Variants in RAI1 observed in about 807,000 individuals in gnomAD.
RAI1 encodes the protein retinoic acid-induced protein 1.
Under a neutral mutation model 123.8 loss-of-function variants are expected in RAI1, and 9 were observed. The ratio of observed to expected loss-of-function variants is 0.07; its 90% CI spans 0.04 to 0.13. The LOEUF (loss-of-function observed/expected upper bound fraction) is 0.13. Ranked by LOEUF, RAI1 falls within the 10% of genes least tolerant of loss-of-function variation. The pLI is 1.00. For synonymous variants in RAI1, 1,231 were observed against 1,127.3 expected (o/e 1.09, Z -1.84); for missense variants, 2,256 against 2,545.8 (o/e 0.89, Z 2.45).
At chr17:17,699,658 G>A (rs1043284477) in intron 1 of RAI1, among the ~76,000 whole-genome samples, 5 of 151,622 alleles carry the variant, frequency 3.3e-5, no homozygotes, top group African/African-American at 1.2e-4. Flanking sequence ...TGAATTGCCA[G>A]TGAGTAATCG....
intron 2 of RAI1, among the ~76,000 whole-genome samples, chr17:17,755,610 T>G (rs933795701): frequency 6.6e-6 from 1 of 152,120 alleles, no homozygotes; most frequent in Admixed American, 6.5e-5. Context: ...GAGCATGTCC[T>G]CCTCCATCAG....
chr17:17,763,381 C>T (rs1385001721), intron 2 of RAI1, among the ~76,000 whole-genome samples: 3 of 152,226 alleles, frequency 2.0e-5, no homozygotes, highest in Non-Finnish European at 2.9e-5. Context: ...GTGTGTCTCA[C>T]TCCCTTCCTT....
rs2032086999 is a variant in RAI1 at position 17,793,201 on chromosome 17, C to T, written c.253C>T (p.Leu85=). 9 of 1,612,698 alleles carry T rather than the reference C, an allele frequency of 5.6e-6. No individual in the cohort carries two copies. The East Asian group carries it at 2.0e-4, about 36-fold the overall frequency. Residue 85 remains leucine, a synonymous_variant, in exon 3 of 6, where the codon CTG becomes TTG. Coordinates refer to ENST00000353383, the MANE Select transcript of RAI1 (RefSeq NM_030665.4). ...ADKYHRGSKA[L]PTQQGLQGRP... ...CAAGTACCACCGAGGCAGCAAGGCC[C>T]TGCCCACACAGCAAGGCCTGCAGGG...
intron 2 of RAI1, among the ~76,000 whole-genome samples, chr17:17,741,091 GCA>G (rs773544376): frequency 0.012 from 1,451 of 119,892 alleles, 9 homozygotes; most frequent in Admixed American, 0.032. Context: ...AAGCGCGCGC[GCA>G]CACACACACA....
At position 17,793,360 on chromosome 17, in the gene RAI1, G is replaced by T. The variant is rs982406988; in HGVS notation, c.412G>T (p.Val138Leu). 1 of 1,613,130 alleles carries T rather than the reference G, an allele frequency of 6.2e-7. No individual in the cohort carries two copies. The highest frequency in any genetic ancestry group is 1.3e-5 in the African/African-American group (1 of 75,050). ...ACAGCCGCAGCCACTACCTGCAGGG[G>T]TGGCCAAGTATGATGAGAACTTGAT... ...PPQPQPLPAGVAKYDENLMKK... is the reference protein window; with the variant it reads ...PPQPQPLPAGLAKYDENLMKK... Residue 138 changes from valine (V) to leucine (L), a missense_variant, in exon 3 of 6, where the codon GTG (valine) becomes TTG (leucine). Physicochemically the swap from Val to Leu is conservative, Grantham distance 32 (BLOSUM62 1). This residue lies in a region of RAI1 where 336 missense variants were observed against 349.8 expected (regional missense o/e 0.96). Transcript: ENST00000353383.
At position 17,807,643 on chromosome 17, in the gene RAI1, C is replaced by A. The variant is rs531958054; in HGVS notation, c.5660-1747C>A. Among the ~76,000 whole-genome samples the A allele has an allele frequency of 2.0e-4, 31 of 152,364 alleles. No individual in the cohort carries two copies. The East Asian group carries it at 4.6e-3, about 23-fold the overall frequency. ...CTGGCCTTGCCCAGTGACTCCCGCCCCGTGCCCCATGTGGGGTGGTGCTGG... is the reference window on the plus strand; with the variant it reads ...CTGGCCTTGCCCAGTGACTCCCGCCACGTGCCCCATGTGGGGTGGTGCTGG... On this transcript the variant is annotated intron_variant, in intron 4 of 5. Coordinates refer to ENST00000353383, the MANE Select transcript of RAI1 (RefSeq NM_030665.4).
At position 17,794,566 on chromosome 17, in the gene RAI1, G is replaced by T. The variant is rs1220302158; in HGVS notation, c.1618G>T (p.Ala540Ser). ...CTGCAACCAGGCCCGTGGCAGCCCT[G>T]CCAGGGTCAACAGCAACTCGAAGGC... ...LYCNQARGSP[A>S]RVNSNSKAKP... The change falls in exon 3 of 6, where the codon GCC (alanine) becomes TCC (serine). Residue 540 changes from alanine to serine, a missense_variant. Coordinates refer to ENST00000353383, the MANE Select transcript of RAI1 (RefSeq NM_030665.4). 36 of 1,613,064 alleles carry T rather than the reference G, an allele frequency of 2.2e-5. No homozygotes were observed. The highest frequency in any genetic ancestry group is 3.1e-5 in the Non-Finnish European group (36 of 1,180,044).
At chr17:17,686,567 CCGTGTG>C (rs1451144089) in intron 1 of RAI1, among the ~76,000 whole-genome samples, 1 of 90,258 alleles carries the variant, frequency 1.1e-5, no homozygotes, top group African/African-American at 3.6e-5. Context: ...GTTCTTGAAC[CCGTGTG>C]TGTGTGTGTG....
At chr17:17,686,636 T>C (rs1381139804) in intron 1 of RAI1, among the ~76,000 whole-genome samples, 2 of 87,134 alleles carry the variant, frequency 2.3e-5, no homozygotes, top group African/African-American at 8.7e-5. Flanking sequence ...AGGGGAGAGA[T>C]GGGGAAGAGA....
chr17:17,780,511 C>A (rs563769553), intron 2 of RAI1, among the ~76,000 whole-genome samples: 70 of 152,328 alleles, frequency 4.6e-4, no homozygotes, highest in Middle Eastern at 6.8e-3. Context: ...TGAGGTCCCA[C>A]CCCTCAGGGC....
intron 3 of RAI1, 90 bp from the exon 4 acceptor site, chr17:17,803,666 A>G: frequency 1.6e-6 from 2 of 1,223,600 alleles, no homozygotes; most frequent in Admixed American, 1.7e-5. Flanking sequence ...GATTACAGGC[A>G]TGAGCCACTG....
At chr17:17,735,945 G>C (rs1457443828) in intron 2 of RAI1, among the ~76,000 whole-genome samples, 1 of 152,216 alleles carries the variant, frequency 6.6e-6, no homozygotes, top group Non-Finnish European at 1.5e-5. Flanking sequence ...GAGGAATATA[G>C]GGGACTGTGA....
intron 1 of RAI1, among the ~76,000 whole-genome samples, chr17:17,687,585 G>A (rs1436550018): frequency 3.3e-5 from 5 of 152,106 alleles, no homozygotes; most frequent in African/African-American, 7.2e-5. Flanking sequence ...TCTGGAAGGC[G>A]AGATAGGGTC....
At chr17:17,747,994 G>C (rs2029992996) in intron 2 of RAI1, among the ~76,000 whole-genome samples, 1 of 152,210 alleles carries the variant, frequency 6.6e-6, no homozygotes, top group Non-Finnish European at 1.5e-5. Flanking sequence ...AGCCTGGGAG[G>C]TCGAGGCTAC....
At chr17:17,792,705 C>T (rs1028967648) in intron 2 of RAI1, among the ~76,000 whole-genome samples, 1 of 151,692 alleles carries the variant, frequency 6.6e-6, no homozygotes, top group Admixed American at 6.6e-5. Context: ...GAGCACACCT[C>T]CCTGACACAG....
chr17:17,797,733 C>G lies in RAI1; in HGVS notation c.4785C>G (p.Phe1595Leu). 6.2e-7 allele frequency: 1 copy of G among 1,613,924 alleles called. No individual in the cohort carries two copies. Among genetic ancestry groups the G allele is most frequent in the Non-Finnish European group, 8.5e-7 (1 of 1,179,924 alleles). Residue 1595 changes from phenylalanine to leucine, a missense_variant, in exon 3 of 6, where the codon TTC becomes TTG. This residue lies in a region of RAI1 where 410 missense variants were observed against 374.6 expected (regional missense o/e 1.09). Transcript: ENST00000353383. ...GGTCAGACAGCCGGACCCCCGCCTT[C>G]TCACCCTTCGTGCGGGTGGAGAAGC... Reference protein sequence around the residue: ...RLRSDSRTPAFSPFVRVEKRD... With the variant: ...RLRSDSRTPALSPFVRVEKRD...
Position 17,794,676 on chromosome 17 carries a change from C to T in RAI1, c.1728C>T (p.His576=), listed in dbSNP as rs765502889. Reference sequence around the variant, plus strand: ...CTGACGACTCCTTCCAGAGCCTACACGGCAGTCTGCCGCTCGACAGCTTCT... The same window carrying T: ...CTGACGACTCCTTCCAGAGCCTACATGGCAGTCTGCCGCTCGACAGCTTCT... The part of the protein sequence containing the change: ...TKSDDSFQSL[H]GSLPLDSFSK... The change falls in exon 3 of 6, where the codon CAC becomes CAT. Residue 576 remains histidine, a synonymous_variant. Transcript: ENST00000353383. The T allele has an allele frequency of 1.9e-5, 30 of 1,612,872 alleles. No homozygotes were observed. Among genetic ancestry groups the T allele is most frequent in the Middle Eastern group, 3.3e-4 (2 of 6,062 alleles).
intron 2 of RAI1, among the ~76,000 whole-genome samples, chr17:17,739,093 C>G (rs909977612): frequency 6.6e-6 from 1 of 152,164 alleles, no homozygotes; most frequent in African/African-American, 2.4e-5. Flanking sequence ...GAGACAGAGG[C>G]AATTCAAAGT....
chr17:17,691,138 C>T (rs1256089471), intron 1 of RAI1, among the ~76,000 whole-genome samples: 2 of 152,170 alleles, frequency 1.3e-5, no homozygotes, highest in Admixed American at 6.5e-5. Flanking sequence ...GGCTGTGGAG[C>T]AGTGGGTCTC....
Sources: allele counts gnomAD v4.1 joint callset (sites outside exome capture counted in the v4.1 genomes callset), GRCh38; gene constraint gnomAD v4.1.1; regional missense constraint gnomAD v4.1.1; transcripts MANE v1.5; gene names NCBI Gene and HGNC (gene_info 2026-07-23, HGNC 2026-07-21).